The following SSX3 variants were observed in gnomAD, a reference collection of about 807,000 sequenced individuals.
SSX3 encodes the protein protein SSX3.
SSX3 carries 6 observed loss-of-function variants against 14.8 expected under a neutral mutation model. The observed-to-expected ratio is 0.41, with a 90% CI of 0.22 to 0.80. The LOEUF is 0.80. Among genes scored for constraint, SSX3 ranks in the 30% least tolerant of loss-of-function variants. The pLI, the probability that SSX3 is intolerant of heterozygous loss-of-function variation, is 0.34. For missense variants in SSX3, 163 were observed against 152.2 expected, an observed-to-expected ratio of 1.07 and a Z score of -0.37; for synonymous variants, 55 against 52.9, an observed-to-expected ratio of 1.04 and a Z score of -0.18.
Position 48,348,137 on chromosome X carries a change from C to G in SSX3, c.467-533G>C, listed in dbSNP as rs2061246510. The G allele has an allele frequency of 1.7e-5, 6 of 360,357 alleles. No individual in the cohort carries two copies. In the South Asian group the frequency reaches 1.8e-4, roughly 11 times the overall value. 29.7% of individuals were successfully genotyped at this position (360,357 alleles called of 1,213,427 possible). On this transcript the variant is annotated intron_variant, in intron 6 of 7. Coordinates refer to ENST00000298396, the MANE Select transcript of SSX3 (RefSeq NM_021014.4). ...TGTGGGTACACAGTAGGTGTATATT[C>G]TTATGGGGTACATGAGATGCTTTGA...
intron 6 of SSX3, chrX:48,349,676 G>A: frequency 8.6e-7 from 1 of 1,168,591 alleles, no homozygotes; most frequent in Non-Finnish European, 1.1e-6. Flanking sequence ...ATGTCATCAG[G>A]CCTTCTAGAT....
At chrX:48,354,924 G>A (rs782079950) in intron 2 of SSX3, 178 bp from the exon 3 acceptor site, 52 of 752,164 alleles carry the variant, frequency 6.9e-5, no homozygotes, top group Middle Eastern at 1.5e-3. Flanking sequence ...CCACACTGTC[G>A]GGCTTTAATG....
At chrX:48,349,409 C>G (rs2061251974) in intron 6 of SSX3, 4 of 817,593 alleles carry the variant, frequency 4.9e-6, no homozygotes, top group Non-Finnish European at 6.7e-6. Flanking sequence ...GCATTTTTAA[C>G]AATGAATTAT....
intron 3 of SSX3, 119 bp from the exon 4 acceptor site, chrX:48,354,213 A>T: frequency 1.6e-6 from 1 of 640,066 alleles, no homozygotes; most frequent in Admixed American, 2.5e-5. Flanking sequence ...GAGGCCAGGA[A>T]TTCAAGGCTG....
At position 48,354,292 on chromosome X, in the gene SSX3, A is replaced by G. The variant is rs1416984784; in HGVS notation, c.185-198T>C. Among the ~76,000 whole-genome samples, 3 of 107,767 alleles carry G rather than the reference A, an allele frequency of 2.8e-5. No homozygotes were observed. The Admixed American group carries it at 3.0e-4, about 11-fold the overall frequency. 93.6% of individuals were successfully genotyped at this position (107,767 alleles called of 115,157 possible). On this transcript the variant is annotated intron_variant, in intron 3 of 7. Transcript: ENST00000298396. Reference sequence around the variant, plus strand: ...GATTCAGACTGACTCAAACAAAAAAAAAAAAAAAAGAAAGAGACAAGCCGA... The same window carrying G: ...GATTCAGACTGACTCAAACAAAAAAGAAAAAAAAAGAAAGAGACAAGCCGA...
At chrX:48,353,073 GT>G (rs1457834075) in intron 4 of SSX3, among the ~76,000 whole-genome samples, 1 of 108,974 alleles carries the variant, frequency 9.2e-6, no homozygotes, top group Non-Finnish European at 1.9e-5. Context: ...CCTACATGCT[GT>G]TAATGAAACA....
rs1556950420 is a variant in SSX3 at position 48,354,007 on chromosome X, C to A, written c.272G>T (p.Gly91Val). 11 of 1,205,815 alleles carry A rather than the reference C, an allele frequency of 9.1e-6. No individual in the cohort carries two copies. The highest frequency in any genetic ancestry group is 2.3e-4 in the Middle Eastern group (1 of 4,367). Residue 91 changes from glycine (G) to valine (V), a missense_variant, in exon 4 of 8, where the codon GGG (glycine) becomes GTG (valine). Gly to Val is a moderately radical substitution (Grantham distance 109). Transcript: ENST00000298396. The stretch of plus-strand genomic sequence containing the variant: ...CCTTCCCATCTACTCACCCTGATTC[C>A]CACGGTTAGGGTCATTATCAAAATC... ...GNDFDNDPNR[G>V]NQVQRPQMTF...
intron 7 of SSX3, 126 bp downstream of exon 7, chrX:48,347,374 A>C (rs1326127176): frequency 5.9e-6 from 6 of 1,023,712 alleles, no homozygotes; most frequent in South Asian, 2.0e-5. Context: ...ATTCAGCCTC[A>C]ATGCTGTACA....
At chrX:48,349,925 T>G (rs2061254620) in intron 6 of SSX3, 62 bp downstream of exon 6, 2 of 1,203,102 alleles carry the variant, frequency 1.7e-6, no homozygotes, top group Non-Finnish European at 2.2e-6. Context: ...ACACACCCAG[T>G]CCACACACCT....
At position 48,346,530 on chromosome X, in the gene SSX3, A is replaced by G; in HGVS notation, c.*510T>C. On this transcript the variant is annotated 3_prime_UTR_variant, in exon 8 of 8. Transcript: ENST00000298396. ...ACAGAGTGAGGGAAGCCTGACCAGG[A>G]CGCATGGCAATGGGAAAAGCAGATG... 1 of 245,239 alleles carries G rather than the reference A, an allele frequency of 4.1e-6. No individual in the cohort carries two copies. The highest frequency in any genetic ancestry group is 7.3e-6 in the Non-Finnish European group (1 of 137,020). The allele number at this position is 245,239 out of a possible 1,213,427, so 20.2% of individuals were successfully genotyped here.
At chrX:48,354,550 C>G in intron 3 of SSX3, 82 bp downstream of exon 3, 1 of 1,051,003 alleles carries the variant, frequency 9.5e-7, no homozygotes, top group Non-Finnish European at 1.3e-6. Flanking sequence ...GAGGTACTTT[C>G]TGCAGCCTAA....
At chrX:48,352,795 C>T (rs2061268727) in intron 4 of SSX3, among the ~76,000 whole-genome samples, 1 of 111,462 alleles carries the variant, frequency 9.0e-6, no homozygotes, top group Non-Finnish European at 1.9e-5. Context: ...TACATATGTC[C>T]CCTTTATTTT....
intron 4 of SSX3, 152 bp downstream of exon 4, chrX:48,353,847 C>T (rs782271835): frequency 6.0e-6 from 3 of 500,139 alleles, no homozygotes; most frequent in African/African-American, 4.8e-5. Context: ...ATATGAATGA[C>T]CTCTGTAGTT....
At chrX:48,348,287 T>C (rs181047825) in intron 6 of SSX3, 36 of 486,829 alleles carry the variant, frequency 7.4e-5, no homozygotes, top group Non-Finnish European at 4.5e-5. Flanking sequence ...ATTAAGTTAT[T>C]ATTGACTATA....
chrX:48,349,609 G>A, intron 6 of SSX3: 1 of 1,208,695 alleles, frequency 8.3e-7, no homozygotes, highest in Non-Finnish European at 1.1e-6. Context: ...AACAGGCATT[G>A]AGCTGAGTAA....
rs1195912785 is a variant in SSX3, at chrX:48,346,726, G to A, written c.*314C>T. 2.4e-6 allele frequency: 1 copy of A among 414,457 alleles called. No homozygotes were observed. Among genetic ancestry groups the A allele is most frequent in the East Asian group, 4.1e-5 (1 of 24,202 alleles). The allele number at this position is 414,457 out of a possible 1,213,427, so 34.2% of individuals were successfully genotyped here. A position where few individuals can be genotyped will look rare whatever the true frequency, so the allele number is the denominator to read the frequency against. ...GGAGGGTAATGCTGTTCCATGCAGAGGTAACTGACAATACTTGTTTTCTAA... is the reference window on the plus strand; with the variant it reads ...GGAGGGTAATGCTGTTCCATGCAGAAGTAACTGACAATACTTGTTTTCTAA... On this transcript the variant is annotated 3_prime_UTR_variant, in exon 8 of 8. Coordinates refer to ENST00000298396, the MANE Select transcript of SSX3 (RefSeq NM_021014.4).
chrX:48,348,621 G>C (rs1313377445), intron 6 of SSX3, among the ~76,000 whole-genome samples: 3 of 111,623 alleles, frequency 2.7e-5, no homozygotes, highest in East Asian at 5.5e-4. Context: ...TAGGCCTCTT[G>C]CACCAAACAG....
Position 48,350,101 on chromosome X carries a change from C to T in SSX3, c.352G>A (p.Glu118Lys), listed in dbSNP as rs781805748. The change falls in exon 6 of 8, where the codon GAG becomes AAG. Residue 118 changes from glutamate to lysine, a missense_variant. Transcript: ENST00000298396. ...FPKIMPKKPA[E>K]EGNVSKEVPE... ...ACTTCCTTCGAAACATTTCCTTCCT[C>T]TGCTGGCTTCTTGGGCATGATCTTT... 8.3e-7 allele frequency: 1 copy of T among 1,211,810 alleles called. No individual in the cohort carries two copies. The highest frequency in any genetic ancestry group is 2.2e-5 in the Admixed American group (1 of 46,011).
At chrX:48,351,970 T>C in intron 5 of SSX3, 130 bp downstream of exon 5, 1 of 855,705 alleles carries the variant, frequency 1.2e-6, no homozygotes. Flanking sequence ...CGGTGCTACA[T>C]CAGGTGTTGT....
Sources: gnomAD v4.1 joint callset for allele counts (sites outside exome capture counted in the v4.1 genomes callset) on GRCh38, gnomAD v4.1.1 for gene constraint, MANE v1.5 for transcripts, NCBI Gene and HGNC (gene_info 2026-07-23, HGNC 2026-07-21) for gene names.